Variants in CLASP1 observed in about 807,000 individuals in gnomAD.
CLASP1 encodes the protein CLIP-associating protein 1.
CLASP1 carries 38 observed loss-of-function variants against 192.3 expected under a neutral mutation model. The ratio of observed to expected loss-of-function variants is 0.20; its 90% CI spans 0.15 to 0.26. The LOEUF (loss-of-function observed/expected upper bound fraction) is 0.26. Ranked by LOEUF, CLASP1 falls within the 10% of genes least tolerant of loss-of-function variation. The pLI is 1.00. For synonymous variants in CLASP1, 691 were observed against 712.8 expected (o/e 0.97, Z 0.49); for missense variants, 1,433 against 1,932.5 (o/e 0.74, Z 4.85).
At chr2:121,413,386 T>G in intron 23 of CLASP1, among the ~76,000 whole-genome samples, 1 of 152,206 alleles carries the variant, frequency 6.6e-6, no homozygotes, top group Middle Eastern at 3.2e-3. Context: ...TGAAAATTCA[T>G]AGATTATGCC....
At chr2:121,615,571 C>T (rs1316041425) in intron 1 of CLASP1, among the ~76,000 whole-genome samples, 1 of 151,192 alleles carries the variant, frequency 6.6e-6, no homozygotes, top group African/African-American at 2.4e-5. Flanking sequence ...CTGAGGTGGG[C>T]GGGGAAGTTC....
At chr2:121,548,602 C>T (rs2057703934) in intron 2 of CLASP1, among the ~76,000 whole-genome samples, 1 of 152,092 alleles carries the variant, frequency 6.6e-6, no homozygotes, top group African/African-American at 2.4e-5. Context: ...CCCCAAGACA[C>T]ATAATCATCA....
rs144251306 is a variant in CLASP1 at position 121,339,853 on chromosome 2, C to G, written c.*1008G>C. 8 of 152,278 alleles carry G rather than the reference C, an allele frequency of 5.3e-5. No individual in the cohort carries two copies. In the East Asian group the frequency reaches 1.5e-3, roughly 29 times the overall value. 9.4% of individuals were successfully genotyped at this position (152,278 alleles called of 1,614,324 possible). On this transcript the variant is annotated 3_prime_UTR_variant, in exon 40 of 40. Transcript: ENST00000263710. Reference sequence around the variant, plus strand: ...CCCACATTAAACTGAGAAGTCAGAACTAAGATGGTAAAGATGCCATTTACC... The same window carrying G: ...CCCACATTAAACTGAGAAGTCAGAAGTAAGATGGTAAAGATGCCATTTACC...
intron 39 of CLASP1, among the ~76,000 whole-genome samples, chr2:121,346,468 T>C (rs1171167219): frequency 2.6e-5 from 4 of 152,370 alleles, no homozygotes; most frequent in Admixed American, 2.0e-4. Flanking sequence ...TTCCCCTGAT[T>C]CCAGACACCC....
At chr2:121,395,640 T>C (rs760347251) in intron 30 of CLASP1, among the ~76,000 whole-genome samples, 1 of 152,200 alleles carries the variant, frequency 6.6e-6, no homozygotes, top group Non-Finnish European at 1.5e-5. Context: ...ATATTCCACA[T>C]CTGAGGATGA....
At chr2:121,595,262 G>A (rs904020519) in intron 2 of CLASP1, among the ~76,000 whole-genome samples, 1 of 152,250 alleles carries the variant, frequency 6.6e-6, no homozygotes, top group Middle Eastern at 3.4e-3. Flanking sequence ...AGTTTCTTCA[G>A]TGTCCCCACT....
intron 2 of CLASP1, among the ~76,000 whole-genome samples, chr2:121,550,973 A>G (rs2057987980): frequency 6.6e-6 from 1 of 152,222 alleles, no homozygotes. Flanking sequence ...ATCTTCAACA[A>G]AATACTTGCA....
At chr2:121,473,854 T>C (rs759747076) in intron 8 of CLASP1, among the ~76,000 whole-genome samples, 3 of 152,028 alleles carry the variant, frequency 2.0e-5, no homozygotes, top group Non-Finnish European at 4.4e-5. Context: ...CTATATCCAG[T>C]GAAAACATGT....
intron 2 of CLASP1, among the ~76,000 whole-genome samples, chr2:121,588,707 A>T (rs2062014909): frequency 1.3e-5 from 2 of 152,096 alleles, no homozygotes; most frequent in South Asian, 4.2e-4. Context: ...TACAAACCCT[A>T]ACCTCTGATC....
intron 24 of CLASP1, among the ~76,000 whole-genome samples, chr2:121,408,219 G>A (rs1352142266): frequency 2.6e-5 from 4 of 152,196 alleles, no homozygotes; most frequent in Non-Finnish European, 4.4e-5. Flanking sequence ...CAGTCTATGG[G>A]TAAACTTGTG....
At chr2:121,343,309 C>T (rs2063015331) in intron 39 of CLASP1, among the ~76,000 whole-genome samples, 1 of 152,164 alleles carries the variant, frequency 6.6e-6, no homozygotes, top group Non-Finnish European at 1.5e-5. Context: ...TAAAATGGTG[C>T]AATCTCTGTG....
chr2:121,530,388 C>G lies in CLASP1; in HGVS notation c.196-63G>C, dbSNP rs951793120. 8.1e-6 allele frequency: 11 copies of G among 1,364,924 alleles called. No individual in the cohort carries two copies. In the East Asian group the frequency reaches 2.8e-4, roughly 34 times the overall value. The allele number at this position is 1,364,924 out of a possible 1,614,324, so 84.6% of individuals were successfully genotyped here. A position where few individuals can be genotyped will look rare whatever the true frequency, so the allele number is the denominator to read the frequency against. On this transcript the variant is annotated intron_variant, in intron 2 of 39. Coordinates refer to ENST00000263710, the Ensembl canonical transcript of CLASP1. ...CCTGCGGGGCAGCGCTCCCGCCCACCCGCTCCGGGGAGGCCTAGACATTTC... is the reference window on the plus strand; with the variant it reads ...CCTGCGGGGCAGCGCTCCCGCCCACGCGCTCCGGGGAGGCCTAGACATTTC...
chr2:121,418,539 A>G (rs965557780), intron 23 of CLASP1, 83 bp downstream of exon 23: 9 of 911,986 alleles, frequency 9.9e-6, no homozygotes, highest in Non-Finnish European at 1.6e-5. Context: ...GAGGAGGAAA[A>G]GCAGGTCATT....
At chr2:121,548,585 A>C (rs2057701833) in intron 2 of CLASP1, among the ~76,000 whole-genome samples, 1 of 152,198 alleles carries the variant, frequency 6.6e-6, no homozygotes, top group Non-Finnish European at 1.5e-5. Flanking sequence ...CTACACATGA[A>C]GATCACCCCC....
chr2:121,459,151 G>GT (rs183235871), intron 12 of CLASP1, among the ~76,000 whole-genome samples, 176 bp from the exon 13 acceptor site: 18,566 of 146,496 alleles, frequency 0.13, 1,907 homozygotes, highest in East Asian at 0.49. Flanking sequence ...AAGTTTTGTT[G>GT]TTTTTTTTTT....
chr2:121,434,105 T>C (rs372615851), intron 19 of CLASP1, among the ~76,000 whole-genome samples: 1 of 152,220 alleles, frequency 6.6e-6, no homozygotes, highest in Non-Finnish European at 1.5e-5. Flanking sequence ...AACTTTTAAC[T>C]ACTGATTCAA....
exon 17 of CLASP1, chr2:121,449,102 G>A (rs2084916923): frequency 6.2e-7 from 1 of 1,613,878 alleles, no homozygotes; most frequent in Non-Finnish European, 8.5e-7. Context: ...TGAAGTGACT[G>A]TGGAAACCCC....
At chr2:121,470,654 T>G (rs1992148) in intron 8 of CLASP1, 6 of 453,342 alleles carry the variant, frequency 1.3e-5, no homozygotes, top group African/African-American at 8.0e-5. Context: ...CTACACTTTT[T>G]TTTGTTTGTT....
chr2:121,551,669 A>T (rs979622148), intron 2 of CLASP1, among the ~76,000 whole-genome samples: 6 of 152,208 alleles, frequency 3.9e-5, no homozygotes, highest in Non-Finnish European at 8.8e-5. Context: ...TACAATGAGA[A>T]TTACAAAACA....
Sources: gnomAD v4.1 joint callset for allele counts (sites outside exome capture counted in the v4.1 genomes callset) on GRCh38, gnomAD v4.1.1 for gene constraint, MANE v1.5 for transcripts, NCBI Gene and HGNC (gene_info 2026-07-23, HGNC 2026-07-21) for gene names.